SLC16A7: variants seen among roughly 807,000 people sequenced by gnomAD.
The protein encoded by SLC16A7 is solute carrier family 16 member 7, also known as monocarboxylate transporter 2.
Under a neutral mutation model 34.9 loss-of-function variants are expected in SLC16A7, and 33 were observed. That is an observed-to-expected ratio of 0.94 (90% CI 0.72 to 1.26). The LOEUF is 1.26. Ranked by LOEUF, SLC16A7 falls within the 50% of genes most tolerant of loss-of-function variation. The pLI is 0.00. For synonymous variants in SLC16A7, 201 were observed against 206.6 expected, an observed-to-expected ratio of 0.97 and a Z score of 0.23; for missense variants, 573 against 578.1, an observed-to-expected ratio of 0.99 and a Z score of 0.09.
chr12:59,623,810 C>T (rs1879805097), intron 1 of SLC16A7, among the ~76,000 whole-genome samples: 1 of 151,432 alleles, frequency 6.6e-6, no homozygotes, highest in South Asian at 2.1e-4. Context: ...GTTTTGATCT[C>T]TTAAAGGGAT....
At position 59,596,513 on chromosome 12, in the gene SLC16A7, C is replaced by CA. The variant is rs1259828801; in HGVS notation, c.-130+279dup. 1.2e-5 allele frequency among the ~76,000 whole-genome samples: 1 copy of CA among 80,844 alleles called. No individual in the cohort carries two copies. Among genetic ancestry groups the CA allele is most frequent in the African/African-American group, 6.3e-5 (1 of 15,806 alleles). The allele number at this position is 80,844 out of a possible 152,430, so 53.0% of individuals were successfully genotyped here. A position where few individuals can be genotyped will look rare whatever the true frequency, so the allele number is the denominator to read the frequency against. Reference sequence around the variant, plus strand: ...CTGAGGGGGCGCGCGGGGTCCTGGGCAAGGAGCGCCTCGCGTGCTTTCGGC... The same window carrying CA: ...CTGAGGGGGCGCGCGGGGTCCTGGGCAAAGGAGCGCCTCGCGTGCTTTCGGC... On this transcript the variant is annotated intron_variant, in intron 1 of 5. Coordinates refer to ENST00000547379, the MANE Select transcript of SLC16A7 (RefSeq NM_001270623.2). This position sits in a 1 kb window ranked among gnomAD's most constrained non-coding sequence, Gnocchi z 5.0.
chr12:59,724,827 G>A (rs1876041772), intron 3 of SLC16A7, among the ~76,000 whole-genome samples: 1 of 151,786 alleles, frequency 6.6e-6, no homozygotes, highest in Non-Finnish European at 1.5e-5. Flanking sequence ...GGATGTATAT[G>A]GAATTTCTGC....
intron 3 of SLC16A7, 29 bp downstream of exon 3, chr12:59,705,047 G>A: frequency 6.9e-7 from 1 of 1,447,778 alleles, no homozygotes; most frequent in South Asian, 1.1e-5. Flanking sequence ...ATAGAATCCT[G>A]AATTAAGAAA....
chr12:59,691,525 G>A (rs1164456605), intron 2 of SLC16A7, among the ~76,000 whole-genome samples: 1 of 151,988 alleles, frequency 6.6e-6, no homozygotes, highest in Non-Finnish European at 1.5e-5. Context: ...AAGAGGGGCT[G>A]GGCTGACTGA....
Position 59,788,442 on chromosome 12 carries a change from T to A in SLC16A7, c.*8763T>A, listed in dbSNP as rs937627981. ...CTGAACAAATGATCATATTGCCACA[T>A]GGTCTATCAACTATGGTTACTATGA... is the stretch of plus-strand genomic sequence containing the variant. On this transcript the variant is annotated 3_prime_UTR_variant, in exon 6 of 6. Coordinates refer to ENST00000547379, the MANE Select transcript of SLC16A7 (RefSeq NM_001270623.2). The A allele has an allele frequency of 2.0e-5, 3 of 152,138 alleles. No individual in the cohort carries two copies. The highest frequency in any genetic ancestry group is 6.6e-5 in the Admixed American group (1 of 15,266). The allele number at this position is 152,138 out of a possible 1,614,324, so 9.4% of individuals were successfully genotyped here. A position where few individuals can be genotyped will look rare whatever the true frequency, so the allele number is the denominator to read the frequency against.
At chr12:59,600,974 C>G (rs947851878) in intron 1 of SLC16A7, among the ~76,000 whole-genome samples, 1 of 152,130 alleles carries the variant, frequency 6.6e-6, no homozygotes. Context: ...AAGGTACTTT[C>G]GTTAAGTTCC....
At chr12:59,741,224 A>G (rs1878297325) in intron 3 of SLC16A7, among the ~76,000 whole-genome samples, 1 of 152,192 alleles carries the variant, frequency 6.6e-6, no homozygotes, top group South Asian at 2.1e-4. Flanking sequence ...TAAAGTTCAT[A>G]TGGAACCCAA....
chr12:59,624,099 T>C (rs1459064284), intron 1 of SLC16A7, among the ~76,000 whole-genome samples: 1 of 151,530 alleles, frequency 6.6e-6, no homozygotes, highest in Non-Finnish European at 1.5e-5. Context: ...GTCATAGATA[T>C]CTCTGTCTTA....
Position 59,628,869 on chromosome 12 carries a change from ATCT to A in SLC16A7, c.-129-26280_-129-26278del, listed in dbSNP as rs1236463835. Among the ~76,000 whole-genome samples the A allele has an allele frequency of 2.0e-5, 3 of 151,854 alleles. No individual in the cohort carries two copies. In the East Asian group the frequency reaches 5.8e-4, roughly 29 times the overall value. On this transcript the variant is annotated intron_variant, in intron 1 of 5. Coordinates refer to ENST00000547379, the MANE Select transcript of SLC16A7 (RefSeq NM_001270623.2). ...TTAGATTCTCAAAAGACTTTTTAAA[ATCT>A]TCATTTACATTGCTTGGAGGTCAGT... is the stretch of plus-strand genomic sequence containing the variant.
intron 3 of SLC16A7, among the ~76,000 whole-genome samples, chr12:59,765,565 C>T (rs1423730586): frequency 2.6e-5 from 4 of 152,132 alleles, no homozygotes; most frequent in Non-Finnish European, 5.9e-5. Flanking sequence ...AGCCAGTTTT[C>T]CCAGCACCAT....
intron 3 of SLC16A7, among the ~76,000 whole-genome samples, chr12:59,762,206 T>G (rs371567003): frequency 2.0e-5 from 3 of 152,216 alleles, no homozygotes; most frequent in Admixed American, 6.6e-5. Context: ...TTGAGAAATT[T>G]TTTACAATTT....
intron 3 of SLC16A7, chr12:59,734,055 C>A (rs554921464): frequency 1.4e-5 from 4 of 286,604 alleles, no homozygotes; most frequent in South Asian, 1.2e-4. Context: ...TACAGACTAC[C>A]CAGAACTGAC....
At chr12:59,750,670 G>C (rs1350247775) in intron 3 of SLC16A7, among the ~76,000 whole-genome samples, 3 of 152,132 alleles carry the variant, frequency 2.0e-5, no homozygotes, top group African/African-American at 7.2e-5. Context: ...CAAGGATCTA[G>C]AACTAGAAAT....
chr12:59,777,307 T>A (rs1038925243), intron 5 of SLC16A7, among the ~76,000 whole-genome samples: 2 of 152,176 alleles, frequency 1.3e-5, no homozygotes, highest in Non-Finnish European at 2.9e-5. Context: ...CTACCCGTAA[T>A]ATTTCTTGAC....
chr12:59,633,321 C>T (rs1321299060), intron 1 of SLC16A7, among the ~76,000 whole-genome samples: 1 of 151,948 alleles, frequency 6.6e-6, no homozygotes, highest in African/African-American at 2.4e-5. Flanking sequence ...GCCAAAGTAA[C>T]AGATACATCA....
Position 59,775,398 on chromosome 12 carries a change from C to T in SLC16A7, c.1103C>T (p.Ala368Val). Residue 368 changes from alanine (A) to valine (V), a missense_variant, in exon 5 of 6, where the codon GCA becomes GTA. Physicochemically the swap from Ala to Val is moderately conservative, Grantham distance 64. Coordinates refer to ENST00000547379, the MANE Select transcript of SLC16A7 (RefSeq NM_001270623.2). Reference protein sequence around the residue: ...LFETLMDLVGAPRFSSAVGLV... With the variant: ...LFETLMDLVGVPRFSSAVGLV... ...GAAACTCTCATGGACCTCGTGGGTG[C>T]ACCAAGATTTTCCAGTGCCGTCGGA... 1 of 1,614,094 alleles carries T rather than the reference C, an allele frequency of 6.2e-7. No individual in the cohort carries two copies. The highest frequency in any genetic ancestry group is 8.5e-7 in the Non-Finnish European group (1 of 1,179,994).
At chr12:59,675,431 G>C (rs1171534942) in intron 2 of SLC16A7, among the ~76,000 whole-genome samples, 1 of 152,102 alleles carries the variant, frequency 6.6e-6, no homozygotes. Flanking sequence ...CAGCAAAAGA[G>C]TCCTCAACCT....
At chr12:59,653,299 C>T (rs918448892) in intron 1 of SLC16A7, among the ~76,000 whole-genome samples, 1 of 151,562 alleles carries the variant, frequency 6.6e-6, no homozygotes, top group Non-Finnish European at 1.5e-5. Context: ...ACTAATGATT[C>T]TCAAATATTA....
intron 4 of SLC16A7, among the ~76,000 whole-genome samples, chr12:59,773,964 A>C (rs1049207803): frequency 2.0e-5 from 3 of 152,230 alleles, no homozygotes; most frequent in Non-Finnish European, 4.4e-5. Flanking sequence ...GATACTCAAC[A>C]CTGCCAAGGA....
Sources: gnomAD v4.1 joint callset for allele counts (sites outside exome capture counted in the v4.1 genomes callset) on GRCh38, gnomAD v4.1.1 for gene constraint, Gnocchi (gnomAD v3.1) non-coding constraint, MANE v1.5 for transcripts, NCBI Gene and HGNC (gene_info 2026-07-23, HGNC 2026-07-21) for gene names.